Variants in CENPP observed in about 807,000 individuals in gnomAD.
The protein encoded by CENPP is centromere protein P.
CENPP carries 24 observed loss-of-function variants against 35.6 expected under a neutral mutation model. That is an observed-to-expected ratio of 0.67 (90% CI 0.49 to 0.95). The LOEUF is 0.95. CENPP is among the 40% of genes least tolerant of loss of function. The probability of loss-of-function intolerance (pLI) is 0.00; values close to 1 mark genes in which losing one functional copy is unlikely to be tolerated. For missense variants in CENPP, 332 were observed against 345.3 expected, an observed-to-expected ratio of 0.96 and a Z score of 0.31; for synonymous variants, 120 against 125.5, an observed-to-expected ratio of 0.96 and a Z score of 0.29.
chr9:92,501,078 G>C, intron 5 of CENPP: 1 of 1,601,946 alleles, frequency 6.2e-7, no homozygotes. Flanking sequence ...AAAGTAAACA[G>C]GGTAGGGACA....
At chr9:92,396,962 G>A (rs768820849) in intron 5 of CENPP, among the ~76,000 whole-genome samples, 10 of 151,972 alleles carry the variant, frequency 6.6e-5, no homozygotes, top group Non-Finnish European at 1.5e-4. Flanking sequence ...GATCATTTGA[G>A]TCTAGGAGTT....
chr9:92,465,724 T>C (rs570402350), intron 5 of CENPP, among the ~76,000 whole-genome samples: 169 of 152,334 alleles, frequency 1.1e-3, no homozygotes, highest in African/African-American at 3.8e-3. Flanking sequence ...GTATTATATT[T>C]GAGTAGCTTA....
intron 5 of CENPP, among the ~76,000 whole-genome samples, chr9:92,585,240 T>G (rs1850513096): frequency 6.6e-6 from 1 of 152,176 alleles, no homozygotes; most frequent in Admixed American, 6.5e-5. Context: ...GAGTACCACA[T>G]TTTAGAAATA....
intron 5 of CENPP, among the ~76,000 whole-genome samples, chr9:92,478,404 A>AT (rs902851970): frequency 3.9e-5 from 6 of 152,172 alleles, no homozygotes; most frequent in African/African-American, 1.4e-4. Context: ...TGACAAGGTT[A>AT]TTTTTTAAGT....
intron 5 of CENPP, chr9:92,459,812 T>A: frequency 6.3e-7 from 1 of 1,592,270 alleles, no homozygotes. Flanking sequence ...CACAGATGGT[T>A]AGGTGTGATA....
At chr9:92,383,250 G>C (rs1484463481) in intron 5 of CENPP, among the ~76,000 whole-genome samples, 1 of 152,150 alleles carries the variant, frequency 6.6e-6, no homozygotes, top group Admixed American at 6.5e-5. Flanking sequence ...GTTAGGAAAT[G>C]TGAGTCTTCT....
At chr9:92,573,223 T>A (rs1850191698) in intron 5 of CENPP, among the ~76,000 whole-genome samples, 1 of 152,244 alleles carries the variant, frequency 6.6e-6, no homozygotes, top group Admixed American at 6.5e-5. Flanking sequence ...CTCCCCATCT[T>A]TGTGGTTTTA....
At chr9:92,516,559 A>C (rs1343128093) in intron 5 of CENPP, among the ~76,000 whole-genome samples, 2 of 152,250 alleles carry the variant, frequency 1.3e-5, no homozygotes, top group Non-Finnish European at 2.9e-5. Context: ...CAAAACATGC[A>C]GAAGAATAGG....
chr9:92,419,045 A>G (rs1843704859), intron 5 of CENPP, among the ~76,000 whole-genome samples: 1 of 152,180 alleles, frequency 6.6e-6, no homozygotes, highest in Non-Finnish European at 1.5e-5. Context: ...GGAGAATCAA[A>G]TACACGTGCA....
chr9:92,577,350 CT>C (rs1850307936), intron 5 of CENPP, among the ~76,000 whole-genome samples: 3 of 152,062 alleles, frequency 2.0e-5, no homozygotes, highest in African/African-American at 2.4e-5. Flanking sequence ...CCTGTCTCTA[CT>C]AAAAATACAA....
chr9:92,550,350 C>A (rs1849562065), intron 5 of CENPP, among the ~76,000 whole-genome samples: 1 of 150,784 alleles, frequency 6.6e-6, no homozygotes, highest in Non-Finnish European at 1.5e-5. Context: ...GAGCCGAGAT[C>A]GTGCCATTGC....
At chr9:92,577,404 A>G (rs547846683) in intron 5 of CENPP, among the ~76,000 whole-genome samples, 8 of 152,100 alleles carry the variant, frequency 5.3e-5, no homozygotes, top group Non-Finnish European at 8.8e-5. Context: ...AGTCCTCACT[A>G]CTCGGGAGGC....
intron 5 of CENPP, among the ~76,000 whole-genome samples, chr9:92,546,326 C>G (rs1241237119): frequency 6.6e-6 from 1 of 152,216 alleles, no homozygotes; most frequent in African/African-American, 2.4e-5. Flanking sequence ...TGACAACCCA[C>G]CAGAGGTCCC....
rs1851480926 is a variant in CENPP, at chr9:92,617,569, G to A, written c.*4420G>A. ...GACACACCTGTCCCTTGTGCCACAA[G>A]TGTGCCCTCTAGCAGCCTTGGAGAA... On this transcript the variant is annotated 3_prime_UTR_variant, in exon 8 of 8. Transcript: ENST00000375587. 2.0e-5 allele frequency: 3 copies of A among 153,168 alleles called. No homozygotes were observed. The highest frequency in any genetic ancestry group is 1.9e-4 in the Admixed American group (3 of 15,398). The allele number at this position is 153,168 out of a possible 1,614,324, so 9.5% of individuals were successfully genotyped here.
At chr9:92,587,358 A>G (rs1850564930) in intron 5 of CENPP, among the ~76,000 whole-genome samples, 1 of 152,000 alleles carries the variant, frequency 6.6e-6, no homozygotes, top group Non-Finnish European at 1.5e-5. Flanking sequence ...AATCCCAGCT[A>G]CTGGGGAGGC....
chr9:92,474,495 C>T (rs1845635690), intron 5 of CENPP: 2 of 1,356,400 alleles, frequency 1.5e-6, no homozygotes, highest in Non-Finnish European at 1.9e-6. Flanking sequence ...TACTTTCCAC[C>T]TAAAAACTTA....
chr9:92,375,832 A>C (rs1842112874), intron 4 of CENPP, among the ~76,000 whole-genome samples: 1 of 148,572 alleles, frequency 6.7e-6, no homozygotes, highest in South Asian at 2.1e-4. Flanking sequence ...TAGTCATTCA[A>C]CAGGAGAAGT....
At chr9:92,496,604 A>G in intron 5 of CENPP, 1 of 1,243,542 alleles carries the variant, frequency 8.0e-7, no homozygotes, top group Non-Finnish European at 1.1e-6. Flanking sequence ...CTTATAGACC[A>G]GAATAAATTC....
At position 92,454,399 on chromosome 9, in the gene CENPP, A is replaced by G. The variant is rs1022729509; in HGVS notation, c.564+74540A>G. On this transcript the variant is annotated intron_variant, in intron 5 of 7. Transcript: ENST00000375587. ...CATAGATAAATCTGTCTTTTATTCT[A>G]ACCTTAGTATTTACCTTATGATTTT... Among the ~76,000 whole-genome samples, 3 of 152,290 alleles carry G rather than the reference A, an allele frequency of 2.0e-5. No homozygotes were observed. In the South Asian group the frequency reaches 6.2e-4, roughly 32 times the overall value.
Sources: allele counts gnomAD v4.1 joint callset (sites outside exome capture counted in the v4.1 genomes callset), GRCh38; gene constraint gnomAD v4.1.1; transcripts MANE v1.5; gene names NCBI Gene and HGNC (gene_info 2026-07-23, HGNC 2026-07-21).